The following THAP8 variants were observed in gnomAD, a reference collection of about 807,000 sequenced individuals.
THAP8 encodes THAP domain containing 8.
A neutral mutation model predicts 25.0 loss-of-function variants in THAP8; 24 were observed. The ratio of observed to expected loss-of-function variants is 0.96; its 90% CI spans 0.69 to 1.35. THAP8 has a LOEUF of 1.35. Among genes scored for constraint, THAP8 ranks in the 40% most tolerant of loss-of-function variants. The pLI is 0.00. For synonymous variants in THAP8, 169 were observed against 157.6 expected, an observed-to-expected ratio of 1.07 and a Z score of -0.54; for missense variants, 399 against 368.8, an observed-to-expected ratio of 1.08 and a Z score of -0.67.
intron 1 of THAP8, among the ~76,000 whole-genome samples, chr19:36,050,473 T>C (rs1292466294): frequency 1.3e-5 from 2 of 152,198 alleles, no homozygotes; most frequent in Non-Finnish European, 2.9e-5. Flanking sequence ...ATGATTTATT[T>C]AGGAATTTCT....
At position 36,054,202 on chromosome 19, in the gene THAP8, T is replaced by G. The variant is rs1411375940; in HGVS notation, c.16A>C (p.Arg6=). The G allele has an allele frequency of 1.2e-6, 2 of 1,613,698 alleles. No homozygotes were observed. The highest frequency in any genetic ancestry group is 1.1e-5 in the South Asian group (1 of 91,014). The stretch of plus-strand genomic sequence containing the variant: ...GCAGTGTTGGAGCAGTTCGGCGCCC[T>G]GCAGTACTTGGGCATGGCTATCCAG... The part of the protein sequence containing the change: MPKYC[R]APNCSNTAGR... The change falls in exon 1 of 4, where the codon AGG becomes CGG. Residue 6 remains arginine, a synonymous_variant. Transcript: ENST00000292894.
At chr19:36,036,723 C>T (rs1011420143) in intron 3 of THAP8, among the ~76,000 whole-genome samples, 3 of 151,906 alleles carry the variant, frequency 2.0e-5, no homozygotes, top group African/African-American at 7.3e-5. Context: ...GGCTGATTAC[C>T]TGAGGTCAGG....
intron 1 of THAP8, among the ~76,000 whole-genome samples, chr19:36,048,164 A>G (rs921498315): frequency 1.3e-5 from 2 of 152,172 alleles, no homozygotes; most frequent in African/African-American, 4.8e-5. Flanking sequence ...AAATAGGGAT[A>G]GTTTATTCAG....
chr19:36,048,865 CA>C (rs1020228535), intron 1 of THAP8, among the ~76,000 whole-genome samples: 1 of 120,288 alleles, frequency 8.3e-6, no homozygotes, highest in Non-Finnish European at 1.7e-5. Flanking sequence ...AACAAAAAAA[CA>C]AAAAACACCT....
rs1329822085 is a variant in THAP8, at chr19:36,039,702, CG to C, written c.292del (p.Arg98GlufsTer33). 20 of 1,522,168 alleles carry C rather than the reference CG, an allele frequency of 1.3e-5. No homozygotes were observed. Among genetic ancestry groups the C allele is most frequent in the Non-Finnish European group, 1.7e-5 (19 of 1,133,730 alleles). The allele number at this position is 1,522,168 out of a possible 1,614,324, so 94.3% of individuals were successfully genotyped here. The stretch of plus-strand genomic sequence containing the variant: ...CGGCGAGACTGGCTTCTGGGTGCTT[CG>C]GGTCCTCCGCTGACTCTGGAAGACA... Reference protein sequence around the residue: ...GPPAKSQRRTRSTQKPVSPPP... With the variant: ...GPPAKSQRRTXSTQKPVSPPP... On this transcript the variant is annotated frameshift_variant, in exon 3 of 4. Coordinates refer to ENST00000292894, the MANE Select transcript of THAP8 (RefSeq NM_152658.3). LOFTEE classifies it high-confidence loss of function.
At chr19:36,041,733 A>G (rs1969698768) in intron 1 of THAP8, among the ~76,000 whole-genome samples, 1 of 152,226 alleles carries the variant, frequency 6.6e-6, no homozygotes, top group South Asian at 2.1e-4. Context: ...ACGCAGTATC[A>G]GAACCCTGAT....
rs1599710445 is a variant in THAP8, at chr19:36,035,484, C to G, written c.781G>C (p.Asp261His). Reference protein sequence around the residue: ...LAQDPAPATVDAKPELLDTRI... With the variant: ...LAQDPAPATVHAKPELLDTRI... The stretch of plus-strand genomic sequence containing the variant: ...GTGTCCAGGAGCTCCGGCTTGGCAT[C>G]CACTGTGGCAGGTGCAGGGTCCTGG... Residue 261 changes from aspartate to histidine, a missense_variant, in exon 4 of 4, where the codon GAT (aspartate) becomes CAT (histidine). Physicochemically the swap from Asp to His is moderately conservative, Grantham distance 81. Coordinates refer to ENST00000292894, the MANE Select transcript of THAP8 (RefSeq NM_152658.3). 2 of 1,614,038 alleles carry G rather than the reference C, an allele frequency of 1.2e-6. No homozygotes were observed. The highest frequency in any genetic ancestry group is 2.7e-5 in the African/African-American group (2 of 74,926).
chr19:36,040,307 CT>C lies in THAP8; in HGVS notation c.84-172del, dbSNP rs1969646849. Among the ~76,000 whole-genome samples the C allele has an allele frequency of 3.3e-5, 5 of 152,154 alleles. No homozygotes were observed. The South Asian group carries it at 1.0e-3, about 32-fold the overall frequency. On this transcript the variant is annotated intron_variant, in intron 1 of 3. Transcript: ENST00000292894. ...CTATCTCATACACACAACCACAACC[CT>C]TTTTTCAGCTTCATCTTTTAGTAGT...
intron 3 of THAP8, among the ~76,000 whole-genome samples, chr19:36,037,363 C>CAT (rs1969509903): frequency 6.6e-6 from 1 of 151,570 alleles, no homozygotes; most frequent in Non-Finnish European, 1.5e-5. Flanking sequence ...CACACACACA[C>CAT]ACACACACAC....
At chr19:36,038,478 C>T (rs999897770) in intron 3 of THAP8, among the ~76,000 whole-genome samples, 1 of 152,038 alleles carries the variant, frequency 6.6e-6, no homozygotes, top group Non-Finnish European at 1.5e-5. Context: ...GTCTTGAACT[C>T]CTAGGTTCAA....
intron 1 of THAP8, among the ~76,000 whole-genome samples, chr19:36,050,918 T>G (rs1970038357): frequency 6.6e-6 from 1 of 152,140 alleles, no homozygotes; most frequent in African/African-American, 2.4e-5. Flanking sequence ...GAATCTTTAC[T>G]AAGAACCTAC....
intron 1 of THAP8, among the ~76,000 whole-genome samples, chr19:36,053,089 C>T (rs1203373889): frequency 6.6e-6 from 1 of 151,540 alleles, no homozygotes; most frequent in East Asian, 1.9e-4. Flanking sequence ...TTTTTTGAGA[C>T]GGAGTCTCAC....
At chr19:36,038,454 T>C (rs578062854) in intron 3 of THAP8, among the ~76,000 whole-genome samples, 1 of 151,906 alleles carries the variant, frequency 6.6e-6, no homozygotes, top group Non-Finnish European at 1.5e-5. Flanking sequence ...AGTCTTACCA[T>C]GTTGTCCAGG....
chr19:36,047,665 T>C (rs994794088), intron 1 of THAP8, among the ~76,000 whole-genome samples: 1 of 152,096 alleles, frequency 6.6e-6, no homozygotes, highest in African/African-American at 2.4e-5. Context: ...CTACTAAAAA[T>C]ACAAAAATTA....
At chr19:36,045,904 C>G (rs1486722655) in intron 1 of THAP8, 1 of 456,464 alleles carries the variant, frequency 2.2e-6, no homozygotes, top group Non-Finnish European at 4.4e-6. Flanking sequence ...GCCTCTAGAA[C>G]TGTTAGAAAA....
At chr19:36,050,475 G>A (rs1970025446) in intron 1 of THAP8, among the ~76,000 whole-genome samples, 1 of 152,096 alleles carries the variant, frequency 6.6e-6, no homozygotes. Context: ...GATTTATTTA[G>A]GAATTTCTCA....
chr19:36,048,518 A>G (rs987073518), intron 1 of THAP8, among the ~76,000 whole-genome samples: 1 of 151,996 alleles, frequency 6.6e-6, no homozygotes, highest in African/African-American at 2.4e-5. Context: ...GGCGTGTGCC[A>G]CCACGCCTGG....
chr19:36,051,239 A>G (rs1245960341), intron 1 of THAP8, among the ~76,000 whole-genome samples: 1 of 152,230 alleles, frequency 6.6e-6, no homozygotes. Context: ...TGCCTGCCAC[A>G]CTACAGGAAC....
At chr19:36,049,580 G>A (rs1300469385) in intron 1 of THAP8, among the ~76,000 whole-genome samples, 3 of 152,176 alleles carry the variant, frequency 2.0e-5, no homozygotes, top group African/African-American at 7.2e-5. Context: ...GCCCTGAGGT[G>A]GAAATGGGCT....
Sources: allele counts gnomAD v4.1 joint callset (sites outside exome capture counted in the v4.1 genomes callset), GRCh38; gene constraint gnomAD v4.1.1; transcripts MANE v1.5; gene names NCBI Gene and HGNC (gene_info 2026-07-23, HGNC 2026-07-21).